PDSS2: variants seen among roughly 807,000 people sequenced by gnomAD.
PDSS2 encodes decaprenyl diphosphate synthase subunit 2.
A neutral mutation model predicts 44.5 loss-of-function variants in PDSS2; 31 were observed. The ratio of observed to expected loss-of-function variants is 0.70; its 90% CI spans 0.52 to 0.94. The LOEUF (loss-of-function observed/expected upper bound fraction) is 0.94. Among genes scored for constraint, PDSS2 ranks in the 40% least tolerant of loss-of-function variants. The pLI, the probability that PDSS2 is intolerant of heterozygous loss-of-function variation, is 0.00. For synonymous variants in PDSS2, 157 were observed against 180.3 expected, an observed-to-expected ratio of 0.87 and a Z score of 1.03; for missense variants, 452 against 482.2, an observed-to-expected ratio of 0.94 and a Z score of 0.59.
At chr6:107,300,064 TCGGCC>T in intron 2 of PDSS2, among the ~76,000 whole-genome samples, 1 of 151,936 alleles carries the variant, frequency 6.6e-6, no homozygotes, top group South Asian at 2.1e-4. Flanking sequence ...CCATGAAGTC[TCGGCC>T]CAAAACCCTA....
At chr6:107,395,225 T>C (rs1779904522) in intron 1 of PDSS2, among the ~76,000 whole-genome samples, 2 of 152,166 alleles carry the variant, frequency 1.3e-5, no homozygotes, top group African/African-American at 4.8e-5. Context: ...TTTTTCTCTT[T>C]ATCAGTTATT....
At chr6:107,261,076 C>T (rs1479746077) in intron 3 of PDSS2, among the ~76,000 whole-genome samples, 1 of 152,186 alleles carries the variant, frequency 6.6e-6, no homozygotes, top group East Asian at 1.9e-4. Flanking sequence ...ATGGTCTCAC[C>T]TGAGGAACTT....
chr6:107,228,707 TAAATAAATAAATAAACAAAC>T (rs1324421714), intron 4 of PDSS2, among the ~76,000 whole-genome samples: 3 of 111,660 alleles, frequency 2.7e-5, no homozygotes, highest in Non-Finnish European at 5.5e-5. Context: ...AATAAATAAA[TAAATAAATAAATAAACAAAC>T]AAACAAACAA....
At chr6:107,281,406 T>TA (rs1261811991) in intron 2 of PDSS2, among the ~76,000 whole-genome samples, 1 of 152,216 alleles carries the variant, frequency 6.6e-6, no homozygotes, top group Non-Finnish European at 1.5e-5. Context: ...AGAGTCTTGT[T>TA]ATATGCAGCC....
chr6:107,405,431 G>GA (rs1414921377), intron 1 of PDSS2, among the ~76,000 whole-genome samples: 3 of 150,052 alleles, frequency 2.0e-5, no homozygotes, highest in Non-Finnish European at 3.0e-5. Context: ...ACCACAAACA[G>GA]AAAAAAAAGA....
At chr6:107,325,994 A>G (rs1345201153) in intron 2 of PDSS2, among the ~76,000 whole-genome samples, 1 of 152,218 alleles carries the variant, frequency 6.6e-6, no homozygotes, top group African/African-American at 2.4e-5. Context: ...ACTAGTGACA[A>G]TTATTCAGCC....
At chr6:107,315,022 G>A (rs1777158684) in intron 2 of PDSS2, among the ~76,000 whole-genome samples, 1 of 152,080 alleles carries the variant, frequency 6.6e-6, no homozygotes, top group South Asian at 2.1e-4. Flanking sequence ...GTACCAACCT[G>A]TACTTTAAAA....
At chr6:107,411,736 G>A (rs1392376159) in intron 1 of PDSS2, among the ~76,000 whole-genome samples, 1 of 152,100 alleles carries the variant, frequency 6.6e-6, no homozygotes, top group East Asian at 1.9e-4. Context: ...CAAGTACACA[G>A]GAGGATGTGC....
chr6:107,236,942 CT>C (rs541953143), intron 4 of PDSS2, among the ~76,000 whole-genome samples: 456 of 143,606 alleles, frequency 3.2e-3, no homozygotes, highest in Non-Finnish European at 2.8e-3. Context: ...ACTGAATTAT[CT>C]TTTTTTTTTT....
At chr6:107,456,836 C>G (rs1404446685) in intron 1 of PDSS2, among the ~76,000 whole-genome samples, 1 of 152,180 alleles carries the variant, frequency 6.6e-6, no homozygotes, top group African/African-American at 2.4e-5. Flanking sequence ...GACACCACAC[C>G]AGGACCCCTG....
chr6:107,431,928 G>A (rs1189272294), intron 1 of PDSS2, among the ~76,000 whole-genome samples: 1 of 152,120 alleles, frequency 6.6e-6, no homozygotes, highest in African/African-American at 2.4e-5. Flanking sequence ...TGGCAGTCTT[G>A]GAATTAAAAT....
At chr6:107,440,636 A>C (rs897607510) in intron 1 of PDSS2, among the ~76,000 whole-genome samples, 2 of 152,216 alleles carry the variant, frequency 1.3e-5, no homozygotes, top group Non-Finnish European at 2.9e-5. Context: ...GAATGCTTCC[A>C]CCAGGAGATA....
At chr6:107,374,469 A>G (rs1385661955) in intron 1 of PDSS2, among the ~76,000 whole-genome samples, 1 of 152,226 alleles carries the variant, frequency 6.6e-6, no homozygotes, top group East Asian at 1.9e-4. Flanking sequence ...ACTATGTGCC[A>G]GGCACTGTGC....
At chr6:107,369,832 C>T (rs2114369847) in intron 1 of PDSS2, among the ~76,000 whole-genome samples, 1 of 152,202 alleles carries the variant, frequency 6.6e-6, no homozygotes, top group South Asian at 2.1e-4. Context: ...TAGTGAGACT[C>T]TGTCTCTACA....
chr6:107,347,256 CTTTTTTTTTT>C (rs35184119), intron 1 of PDSS2, among the ~76,000 whole-genome samples: 15 of 90,008 alleles, frequency 1.7e-4, no homozygotes, highest in African/African-American at 5.6e-4. Context: ...ATTATATCTT[CTTTTTTTTTT>C]TTTTTTTTTT....
chr6:107,171,500 A>G (rs1554248595), intron 7 of PDSS2, among the ~76,000 whole-genome samples: 1 of 150,310 alleles, frequency 6.7e-6, no homozygotes, highest in African/African-American at 2.4e-5. Context: ...AAAGACCACA[A>G]TTTTTTTCAA....
chr6:107,181,962 A>C (rs1772001013), intron 7 of PDSS2, among the ~76,000 whole-genome samples: 1 of 152,138 alleles, frequency 6.6e-6, no homozygotes, highest in South Asian at 2.1e-4. Context: ...AAAGATGCTT[A>C]TCATTAAAAT....
intron 1 of PDSS2, among the ~76,000 whole-genome samples, chr6:107,385,265 G>A (rs1373498134): frequency 6.6e-6 from 1 of 151,904 alleles, no homozygotes; most frequent in Non-Finnish European, 1.5e-5. Flanking sequence ...TCAGAAGGCT[G>A]AGGCAGGAGA....
chr6:107,404,919 TAA>T (rs1273097957), intron 1 of PDSS2, among the ~76,000 whole-genome samples: 1 of 152,168 alleles, frequency 6.6e-6, no homozygotes, highest in Non-Finnish European at 1.5e-5. Flanking sequence ...CATCCAGATA[TAA>T]GAGGCTCAAC....
Sources: gnomAD v4.1 joint callset for allele counts (sites outside exome capture counted in the v4.1 genomes callset) on GRCh38, gnomAD v4.1.1 for gene constraint, MANE v1.5 for transcripts, NCBI Gene and HGNC (gene_info 2026-07-23, HGNC 2026-07-21) for gene names.